The following VPS13D variants were observed in gnomAD, a reference collection of about 807,000 sequenced individuals.
VPS13D encodes intermembrane lipid transfer protein VPS13D.
A neutral mutation model predicts 461.9 loss-of-function variants in VPS13D; 187 were observed. That is an observed-to-expected ratio of 0.40 (90% CI 0.36 to 0.46). The LOEUF is 0.46. VPS13D is among the 20% of genes least tolerant of loss of function. The probability of loss-of-function intolerance (pLI) is 0.60; values close to 1 mark genes in which losing one functional copy is unlikely to be tolerated. For synonymous variants in VPS13D, 1,951 were observed against 1,986.3 expected (o/e 0.98, Z 0.47); for missense variants, 4,711 against 5,364.9 (o/e 0.88, Z 3.81).
At chr1:12,364,190 A>G (rs1408566275) in intron 52 of VPS13D, among the ~76,000 whole-genome samples, 2 of 152,086 alleles carry the variant, frequency 1.3e-5, no homozygotes, top group African/African-American at 4.8e-5. Context: ...GCAAAACTGA[A>G]ACTCTGTACC....
At chr1:12,491,910 T>C (rs1206466068) in intron 67 of VPS13D, among the ~76,000 whole-genome samples, 1 of 152,246 alleles carries the variant, frequency 6.6e-6, no homozygotes, top group East Asian at 1.9e-4. Context: ...CTGGCAGCAA[T>C]TAAATATACC....
chr1:12,330,022 G>T (rs1157680951), intron 37 of VPS13D, 104 bp downstream of exon 37: 2 of 699,756 alleles, frequency 2.9e-6, no homozygotes, highest in African/African-American at 3.7e-5. Context: ...GGCAGGGGTG[G>T]GGTGGGACGG....
chr1:12,278,081 A>C (rs760585520), intron 19 of VPS13D, 43 bp downstream of exon 19: 1 of 1,546,268 alleles, frequency 6.5e-7, no homozygotes, highest in African/African-American at 1.4e-5. Context: ...TTAATGATTG[A>C]AAACCCAGCT....
intron 65 of VPS13D, among the ~76,000 whole-genome samples, chr1:12,449,598 T>C (rs1391538363): frequency 2.0e-5 from 3 of 152,170 alleles, no homozygotes; most frequent in Non-Finnish European, 2.9e-5. Flanking sequence ...CAGAATACTT[T>C]TTAACTGTGG....
intron 60 of VPS13D, among the ~76,000 whole-genome samples, chr1:12,389,725 C>T (rs970753425): frequency 2.0e-5 from 3 of 152,222 alleles, no homozygotes; most frequent in Non-Finnish European, 2.9e-5. Flanking sequence ...TCAGCAAGCA[C>T]CTCATCAGGT....
At chr1:12,402,461 G>A (rs1358715431) in intron 62 of VPS13D, 1 of 152,154 alleles carries the variant, frequency 6.6e-6, no homozygotes, top group Non-Finnish European at 1.5e-5. Flanking sequence ...AGGCTTTTAT[G>A]TTTATCTGCC....
chr1:12,276,740 A>G lies in VPS13D; in HGVS notation c.3152A>G (p.His1051Arg), dbSNP rs1474088389. The change falls in exon 19 of 70, where the codon CAC becomes CGC. Residue 1051 changes from histidine (H) to arginine (R), a missense_variant. Transcript: ENST00000620676. This position sits in a 1 kb window ranked among gnomAD's most constrained non-coding sequence, Gnocchi z 4.5. Reference protein sequence around the residue: ...QSPVSGPNVAHLTDGATLNDR... With the variant: ...QSPVSGPNVARLTDGATLNDR... ...CCTGTCTCTGGACCGAATGTGGCCC[A>G]CTTAACTGATGGAGCTACACTGAAC... 6 of 1,614,190 alleles carry G rather than the reference A, an allele frequency of 3.7e-6. No individual in the cohort carries two copies. Among genetic ancestry groups the G allele is most frequent in the Non-Finnish European group, 5.1e-6 (6 of 1,180,032 alleles).
chr1:12,257,957 G>A lies in VPS13D; in HGVS notation c.964G>A (p.Ala322Thr). 6.2e-7 allele frequency: 1 copy of A among 1,614,160 alleles called. No homozygotes were observed. Among genetic ancestry groups the A allele is most frequent in the Non-Finnish European group, 8.5e-7 (1 of 1,180,032 alleles). ...SKNCREWWYF[A>T]LNANLYEIRE... ...CAGCTGCCGAGAATGGTGGTATTTT[G>A]CTTTGAATGCTAACTTGTATGAGAT... The change falls in exon 10 of 70, where the codon GCT becomes ACT. Residue 322 changes from alanine to threonine, a missense_variant. Ala to Thr is a moderately conservative substitution (Grantham distance 58). Transcript: ENST00000620676.
rs150401145 is a variant in VPS13D, at chr1:12,252,872, T to A, written c.565-850T>A. Among the ~76,000 whole-genome samples the A allele has an allele frequency of 1.7e-3, 250 of 147,858 alleles. 1 individual carries two copies. Among genetic ancestry groups the A allele is most frequent in the East Asian group, 0.016 (78 of 4,958 alleles). On this transcript the variant is annotated intron_variant, in intron 6 of 69. Transcript: ENST00000620676. ...CAACAAAAAATAATATAAAAAAAAA[T>A]TCAGGACTGGGCGTGGTGGCTCATG...
At chr1:12,271,738 T>C (rs1251422175) in intron 17 of VPS13D, among the ~76,000 whole-genome samples, 4 of 152,112 alleles carry the variant, frequency 2.6e-5, no homozygotes, top group Admixed American at 1.3e-4. Context: ...GCATGTTTCA[T>C]GTGAGAGTTT....
chr1:12,252,650 T>C (rs542151436), intron 6 of VPS13D, among the ~76,000 whole-genome samples: 1 of 151,898 alleles, frequency 6.6e-6, no homozygotes, highest in South Asian at 2.1e-4. Context: ...CATATACCTG[T>C]AGTCCCAGCT....
At chr1:12,411,521 G>GGA (rs1393404973) in intron 63 of VPS13D, among the ~76,000 whole-genome samples, 2 of 145,710 alleles carry the variant, frequency 1.4e-5, no homozygotes, top group African/African-American at 5.1e-5. Context: ...AGGGGGAGGA[G>GGA]GAGAGAGAGA....
At chr1:12,424,974 C>T (rs1644906752) in intron 65 of VPS13D, among the ~76,000 whole-genome samples, 2 of 152,176 alleles carry the variant, frequency 1.3e-5, no homozygotes, top group African/African-American at 4.8e-5. Flanking sequence ...TTCAAGCTTT[C>T]TTAGGTTGGC....
intron 65 of VPS13D, among the ~76,000 whole-genome samples, chr1:12,447,945 A>G (rs1161077967): frequency 2.0e-5 from 3 of 152,222 alleles, no homozygotes; most frequent in East Asian, 3.8e-4. Flanking sequence ...TCCATAGTTT[A>G]GGATGAGACA....
At position 12,260,677 on chromosome 1, in the gene VPS13D, G is replaced by A; in HGVS notation, c.1111-16G>A. On this transcript the variant is annotated splice_polypyrimidine_tract_variant and intron_variant, in intron 10 of 69. Transcript: ENST00000620676. The stretch of plus-strand genomic sequence containing the variant: ...TTTGTGTTTTTGTTTATTTGCTTTT[G>A]TTTTCACCCAAACAGGAGGAAATGT... 1 of 1,612,082 alleles carries A rather than the reference G, an allele frequency of 6.2e-7. No homozygotes were observed. The highest frequency in any genetic ancestry group is 8.5e-7 in the Non-Finnish European group (1 of 1,178,266).
At chr1:12,425,750 T>C (rs1429746235) in intron 65 of VPS13D, among the ~76,000 whole-genome samples, 2 of 152,098 alleles carry the variant, frequency 1.3e-5, no homozygotes, top group East Asian at 3.9e-4. Flanking sequence ...AAGCCCATTT[T>C]ACAGATGAGA....
rs1646164391 is a variant in VPS13D, at chr1:12,510,214, G to A, written c.*1190G>A. On this transcript the variant is annotated 3_prime_UTR_variant, in exon 70 of 70. Transcript: ENST00000620676. ...AAATTCCTGCTGGGAGCAAGGCCTG[G>A]TATGAGCGCCCTGGGTCTTGTTTTT... 6.6e-6 allele frequency: 1 copy of A among 152,210 alleles called. No homozygotes were observed. Among genetic ancestry groups the A allele is most frequent in the Admixed American group, 6.5e-5 (1 of 15,282 alleles). 9.4% of individuals were successfully genotyped at this position (152,210 alleles called of 1,614,324 possible). A position where few individuals can be genotyped will look rare whatever the true frequency, so the allele number is the denominator to read the frequency against.
intron 63 of VPS13D, among the ~76,000 whole-genome samples, chr1:12,405,794 A>G (rs926137263): frequency 6.6e-6 from 1 of 152,238 alleles, no homozygotes; most frequent in Non-Finnish European, 1.5e-5. Context: ...GCACTTGCCC[A>G]GCAAACCAAT....
intron 69 of VPS13D, 25 bp from the exon 70 acceptor site, chr1:12,508,868 T>C (rs762382713): frequency 1.2e-6 from 2 of 1,608,972 alleles, no homozygotes; most frequent in East Asian, 4.5e-5. Flanking sequence ...TGGGGACAGG[T>C]GACCCATCCT....
Sources: allele counts gnomAD v4.1 joint callset (sites outside exome capture counted in the v4.1 genomes callset), GRCh38; gene constraint gnomAD v4.1.1; non-coding constraint Gnocchi (gnomAD v3.1); transcripts MANE v1.5; gene names NCBI Gene and HGNC (gene_info 2026-07-23, HGNC 2026-07-21).